Variants in CAD observed in about 807,000 individuals in gnomAD.
The protein encoded by CAD is multifunctional protein CAD.
In CAD, 81 loss-of-function variants were observed where a neutral mutation model predicts 237.2. The observed-to-expected ratio is 0.34, with a 90% confidence interval of 0.29 to 0.41. The LOEUF (loss-of-function observed/expected upper bound fraction) is 0.41. Among genes scored for constraint, CAD ranks in the 10% least tolerant of loss-of-function variants. The pLI is 1.00. For synonymous variants in CAD, 1,196 were observed against 1,162.8 expected (o/e 1.03, Z -0.58); for missense variants, 2,181 against 2,951.7 (o/e 0.74, Z 6.05).
At chr2:27,231,864 A>T in intron 16 of CAD, 116 bp from the exon 17 acceptor site, 1 of 1,290,752 alleles carries the variant, frequency 7.7e-7, no homozygotes, top group Non-Finnish European at 1.1e-6. Context: ...TTTTGCAGTT[A>T]CACAGCCTGT....
Position 27,237,388 on chromosome 2 carries a change from A to G in CAD, c.4406A>G (p.Asp1469Gly). The G allele has an allele frequency of 6.2e-7, 1 of 1,614,126 alleles. No individual in the cohort carries two copies. Among genetic ancestry groups the G allele is most frequent in the Non-Finnish European group, 8.5e-7 (1 of 1,179,998 alleles). The change falls in exon 28 of 44, where the codon GAT becomes GGT. Residue 1469 changes from aspartate to glycine, a missense_variant. This residue lies in a region of CAD where 478 missense variants were observed against 515.0 expected (regional missense o/e 0.93). Coordinates refer to ENST00000264705, the MANE Select transcript of CAD (RefSeq NM_004341.5). The surrounding 1 kb of genome is among the most constrained non-coding windows in gnomAD (Gnocchi z 4.0). ...QKLVRLPGLI[D>G]VHVHLREPGG... The stretch of plus-strand genomic sequence containing the variant: ...TTCCATTTTCTCCCAGGATTGATTG[A>G]TGTCCATGTGCACCTGCGGGAACCA...
rs1231126771 is a variant in CAD at position 27,240,599 on chromosome 2, CG to C, written c.5593+242del. 6.5e-7 allele frequency: 1 copy of C among 1,544,268 alleles called. No individual in the cohort carries two copies. The highest frequency in any genetic ancestry group is 1.4e-5 in the African/African-American group (1 of 72,914). ...CCTCCGCCCAGGAGCTGGGATCCCA[CG>C]GGGCAGCAGAGCGTGGGGTAAATCC... On this transcript the variant is annotated intron_variant, in intron 35 of 43. Coordinates refer to ENST00000264705, the MANE Select transcript of CAD (RefSeq NM_004341.5). The surrounding 1 kb of genome is among the most constrained non-coding windows in gnomAD (Gnocchi z 4.6).
intron 2 of CAD, among the ~76,000 whole-genome samples, chr2:27,220,230 A>T (rs1241275953): frequency 1.3e-5 from 2 of 152,198 alleles, no homozygotes; most frequent in Non-Finnish European, 2.9e-5. Flanking sequence ...CATATTCATC[A>T]TATGACGTAA....
At position 27,240,516 on chromosome 2, in the gene CAD, T is replaced by C. The variant is rs1676265967; in HGVS notation, c.5593+155T>C. On this transcript the variant is annotated intron_variant, in intron 35 of 43. Transcript: ENST00000264705. This position sits in a 1 kb window ranked among gnomAD's most constrained non-coding sequence, Gnocchi z 4.6. ...CCTTTGCCTAAACAAGTCTCCCCGG[T>C]GTGAGTAGACATCTCACAGCTTCTC... is the stretch of plus-strand genomic sequence containing the variant. The C allele has an allele frequency of 6.5e-7, 1 of 1,533,724 alleles. No individual in the cohort carries two copies. The highest frequency in any genetic ancestry group is 8.8e-7 in the Non-Finnish European group (1 of 1,130,116).
At chr2:27,223,531 G>T in intron 6 of CAD, 32 bp from the exon 7 acceptor site, 1 of 1,604,088 alleles carries the variant, frequency 6.2e-7, no homozygotes, top group South Asian at 1.1e-5. Flanking sequence ...AGGGTGAGCA[G>T]GGCCTGTGAC....
rs1676430471 is a variant in CAD, at chr2:27,243,418, T to C, written c.6578T>C (p.Val2193Ala). The C allele has an allele frequency of 1.4e-6, 2 of 1,479,674 alleles. No homozygotes were observed. Among genetic ancestry groups the C allele is most frequent in the East Asian group, 4.6e-5 (2 of 43,576 alleles). The allele number at this position is 1,479,674 out of a possible 1,614,324, so 91.7% of individuals were successfully genotyped here. ...TTTTTTTTTTTTTTTTTTTGCAGCG[T>C]GGAAGTGGACTCGGATCCCCGCGCA... ...HPMPRVNEIS[V>A]EVDSDPRAAY... is the part of the protein sequence containing the mutation. Residue 2193 changes from valine to alanine, a missense_variant and splice_region_variant, in exon 44 of 44, where the codon GTG becomes GCG. Physicochemically the swap from Val to Ala is moderately conservative, Grantham distance 64 (BLOSUM62 0). Coordinates refer to ENST00000264705, the MANE Select transcript of CAD (RefSeq NM_004341.5).
Position 27,224,386 on chromosome 2 carries a change from C to T in CAD, c.1150C>T (p.Pro384Ser), listed in dbSNP as rs1675329519. 6.2e-7 allele frequency: 1 copy of T among 1,614,090 alleles called. No homozygotes were observed. Among genetic ancestry groups the T allele is most frequent in the Non-Finnish European group, 8.5e-7 (1 of 1,180,040 alleles). ...LTERLCPPGI[P>S]TPGSGLPPPR... is the part of the protein sequence containing the mutation. ...TGAGCGCCTCTGTCCCCCTGGGATTCCCACTCCCGGCTCTGGACTTCCACC... is the reference window on the plus strand; with the variant it reads ...TGAGCGCCTCTGTCCCCCTGGGATTTCCACTCCCGGCTCTGGACTTCCACC... The change falls in exon 9 of 44, where the codon CCC (proline) becomes TCC (serine). Residue 384 changes from proline (P) to serine (S), a missense_variant. Physicochemically the swap from Pro to Ser is moderately conservative, Grantham distance 74 (BLOSUM62 -1). Around this residue, in one of 12 missense-constraint regions of CAD, gnomAD observed 129 missense variants for 143.3 expected, o/e 0.90. Transcript: ENST00000264705.
At chr2:27,228,219 C>T (rs1675538261) in intron 15 of CAD, among the ~76,000 whole-genome samples, 1 of 152,062 alleles carries the variant, frequency 6.6e-6, no homozygotes, top group Admixed American at 6.6e-5. Flanking sequence ...ATAAGCAAAC[C>T]TAGAGAAAAG....
In CAD at chr2:27,232,207, T is replaced by G. The variant is rs769690896; in HGVS notation, c.2628T>G (p.Ile876Met). 1 of 1,614,148 alleles carries G rather than the reference T, an allele frequency of 6.2e-7. No individual in the cohort carries two copies. The highest frequency in any genetic ancestry group is 1.1e-5 in the South Asian group (1 of 91,090). The change falls in exon 17 of 44, where the codon ATT (isoleucine) becomes ATG (methionine). Residue 876 changes from isoleucine to methionine, a missense_variant. Ile to Met is a conservative substitution (Grantham distance 10). Coordinates refer to ENST00000264705, the MANE Select transcript of CAD (RefSeq NM_004341.5). The surrounding 1 kb of genome is among the most constrained non-coding windows in gnomAD (Gnocchi z 4.1). ...AKCLGFSDKQ[I>M]ALAVLSTELA... ...GTCTTGGCTTCTCAGACAAACAGAT[T>G]GCCCTTGCAGTTCTGAGGTCAGAGG...
chr2:27,222,813 G>A, intron 5 of CAD, 53 bp from the exon 6 acceptor site: 1 of 1,595,882 alleles, frequency 6.3e-7, no homozygotes, highest in Non-Finnish European at 8.6e-7. Context: ...CTGCAGGTGT[G>A]TCTCCTGTAA....
intron 2 of CAD, 27 bp from the exon 3 acceptor site, chr2:27,221,191 C>A: frequency 2.7e-6 from 4 of 1,490,650 alleles, no homozygotes; most frequent in South Asian, 1.4e-5. Flanking sequence ...TGGCCTGAGG[C>A]TTCTCACAAT....
At position 27,223,826 on chromosome 2, in the gene CAD, G is replaced by A. The variant is rs983490132; in HGVS notation, c.995+78G>A. ...GATGGAAAAGTAAAGCACGGCAGTGGATCCGAGTCCCCTGTCCCACTACCC... is the reference window on the plus strand; with the variant it reads ...GATGGAAAAGTAAAGCACGGCAGTGAATCCGAGTCCCCTGTCCCACTACCC... On this transcript the variant is annotated intron_variant, in intron 7 of 43. Coordinates refer to ENST00000264705, the MANE Select transcript of CAD (RefSeq NM_004341.5). The A allele has an allele frequency of 4.5e-6, 7 of 1,565,572 alleles. No individual in the cohort carries two copies. In the African/African-American group the frequency reaches 9.5e-5, roughly 21 times the overall value.
In CAD at chr2:27,237,989, A is replaced by T; in HGVS notation, c.4729-67A>T. 1.1e-5 allele frequency: 17 copies of T among 1,592,278 alleles called. No individual in the cohort carries two copies. In the South Asian group the frequency reaches 1.6e-4, roughly 15 times the overall value. On this transcript the variant is annotated intron_variant, in intron 29 of 43. Coordinates refer to ENST00000264705, the MANE Select transcript of CAD (RefSeq NM_004341.5). The surrounding 1 kb of genome is among the most constrained non-coding windows in gnomAD (Gnocchi z 4.0). The stretch of plus-strand genomic sequence containing the variant: ...TGAGGATTCAGGGGAGCTCCTGGGG[A>T]CTCTGGGCTCTGATGAGCACAGTCA...
chr2:27,227,761 A>C (rs1675507493), intron 15 of CAD, among the ~76,000 whole-genome samples: 1 of 152,234 alleles, frequency 6.6e-6, no homozygotes, highest in Non-Finnish European at 1.5e-5. Flanking sequence ...TATTCTTGGA[A>C]TGTGGTCTTC....
chr2:27,220,850 C>G (rs2043921), intron 2 of CAD, among the ~76,000 whole-genome samples: 2 of 151,680 alleles, frequency 1.3e-5, no homozygotes, highest in East Asian at 3.9e-4. Flanking sequence ...CCCAGCTACT[C>G]GGGAGGCTAA....
intron 15 of CAD, 101 bp from the exon 16 acceptor site, chr2:27,231,367 T>C: frequency 1.4e-6 from 1 of 690,130 alleles, no homozygotes; most frequent in East Asian, 2.6e-5. Flanking sequence ...GCCTTGAGAA[T>C]CTCCCAGAGT....
intron 11 of CAD, 57 bp from the exon 12 acceptor site, chr2:27,225,648 G>GGC: frequency 7.8e-7 from 1 of 1,289,410 alleles, no homozygotes; most frequent in Non-Finnish European, 1.1e-6. Flanking sequence ...ATGTGGGACA[G>GGC]GCACACCTTG....
At position 27,233,196 on chromosome 2, in the gene CAD, C is replaced by A; in HGVS notation, c.2991+56C>A. ...GAGTGGCCAGGGTCGAGTAGAACAG[C>A]TGGCTGACCTAAGATTCTTTGAAAC... On this transcript the variant is annotated intron_variant, in intron 19 of 43. Coordinates refer to ENST00000264705, the MANE Select transcript of CAD (RefSeq NM_004341.5). This position sits in a 1 kb window ranked among gnomAD's most constrained non-coding sequence, Gnocchi z 6.3. 4.0e-6 allele frequency: 6 copies of A among 1,507,224 alleles called. No individual in the cohort carries two copies. Among genetic ancestry groups the A allele is most frequent in the Non-Finnish European group, 5.5e-6 (6 of 1,083,480 alleles). 93.4% of individuals were successfully genotyped at this position (1,507,224 alleles called of 1,614,324 possible).
Position 27,237,601 on chromosome 2 carries a change from C to T in CAD, c.4563+56C>T. ...GACCCATATGCCCCTACCAGCCACC[C>T]TTGCTTCCCTGAGCCCTTTTCCTTC... is the stretch of plus-strand genomic sequence containing the variant. On this transcript the variant is annotated intron_variant, in intron 28 of 43. Transcript: ENST00000264705. The surrounding 1 kb of genome is among the most constrained non-coding windows in gnomAD (Gnocchi z 4.0). The T allele has an allele frequency of 3.2e-6, 5 of 1,585,512 alleles. No individual in the cohort carries two copies. The Admixed American group carries it at 6.9e-5, about 22-fold the overall frequency.
Sources: allele counts gnomAD v4.1 joint callset (sites outside exome capture counted in the v4.1 genomes callset), GRCh38; gene constraint gnomAD v4.1.1; regional missense constraint gnomAD v4.1.1; non-coding constraint Gnocchi (gnomAD v3.1); transcripts MANE v1.5; gene names NCBI Gene and HGNC (gene_info 2026-07-23, HGNC 2026-07-21).